Variants in P2RX7 observed in about 807,000 individuals in gnomAD.
The protein encoded by P2RX7 is purinergic receptor P2X 7.
P2RX7 carries 62 observed loss-of-function variants against 71.6 expected under a neutral mutation model. The ratio of observed to expected loss-of-function variants is 0.87; its 90% CI spans 0.71 to 1.07. The LOEUF (loss-of-function observed/expected upper bound fraction) is 1.07, where lower values mean the gene tolerates loss of function less well. Ranked by LOEUF, P2RX7 falls within the 50% of genes least tolerant of loss-of-function variation. P2RX7 has a pLI of 0.00. For missense variants in P2RX7, 686 were observed against 748.5 expected (o/e 0.92, Z 0.97); for synonymous variants, 299 against 283.3 (o/e 1.06, Z -0.56).
At chr12:121,144,685 A>T (rs1875754387) in intron 1 of P2RX7, among the ~76,000 whole-genome samples, 1 of 152,184 alleles carries the variant, frequency 6.6e-6, no homozygotes, top group South Asian at 2.1e-4. Context: ...GAGGGCATTT[A>T]GGAGACTATT....
chr12:121,158,444 T>C (rs186526560), intron 3 of P2RX7, among the ~76,000 whole-genome samples: 1 of 152,322 alleles, frequency 6.6e-6, no homozygotes. Context: ...TCTGTCCGCA[T>C]TGTCTCTCCA....
intron 11 of P2RX7, 85 bp downstream of exon 11, chr12:121,177,531 C>A: frequency 1.5e-6 from 2 of 1,307,752 alleles, no homozygotes; most frequent in Non-Finnish European, 2.2e-6. Flanking sequence ...AGGCCCAAAT[C>A]ACAGGCTTCA....
intron 1 of P2RX7, among the ~76,000 whole-genome samples, chr12:121,151,856 A>G (rs757084558): frequency 6.6e-6 from 1 of 152,122 alleles, no homozygotes; most frequent in Non-Finnish European, 1.5e-5. Flanking sequence ...TGGATATTTC[A>G]TATAAATGGA....
chr12:121,177,422 C>G lies in P2RX7; in HGVS notation c.1164C>G (p.Cys388Trp), dbSNP rs1344890173. The G allele has an allele frequency of 1.2e-6, 2 of 1,613,404 alleles. No individual in the cohort carries two copies. The highest frequency in any genetic ancestry group is 4.5e-5 in the East Asian group (2 of 44,856). The stretch of plus-strand genomic sequence containing the variant: ...ACGAATACTACTACAGGAAGAAGTG[C>G]GAGTCCATTGTGGAGCCAAAGCCGG... ...VVNEYYYRKKCESIVEPKPTL... is the reference protein window; with the variant it reads ...VVNEYYYRKKWESIVEPKPTL... The change falls in exon 11 of 13, where the codon TGC becomes TGG. Residue 388 changes from cysteine to tryptophan, a missense_variant. Coordinates refer to ENST00000328963, the MANE Select transcript of P2RX7 (RefSeq NM_002562.6).
At chr12:121,166,602 G>T (rs1055260420) in intron 7 of P2RX7, among the ~76,000 whole-genome samples, 4 of 152,156 alleles carry the variant, frequency 2.6e-5, no homozygotes, top group African/African-American at 9.7e-5. Context: ...AAAGCCAGCA[G>T]CATAACATCT....
At chr12:121,160,828 G>A in intron 3 of P2RX7, 74 bp from the exon 4 acceptor site, 1 of 1,201,272 alleles carries the variant, frequency 8.3e-7, no homozygotes, top group Non-Finnish European at 1.2e-6. Context: ...CATTCTGGTG[G>A]ATATCGAATC....
chr12:121,134,555 C>A (rs1259801274), intron 1 of P2RX7, among the ~76,000 whole-genome samples: 1 of 152,176 alleles, frequency 6.6e-6, no homozygotes, highest in Non-Finnish European at 1.5e-5. Context: ...CCACTCCTCA[C>A]TAATTTTTGT....
chr12:121,175,372 C>T lies in P2RX7; in HGVS notation c.882-16C>T, dbSNP rs764429048. 2.0e-6 allele frequency: 3 copies of T among 1,531,510 alleles called. No individual in the cohort carries two copies. In the South Asian group the frequency reaches 3.4e-5, roughly 17 times the overall value. The allele number at this position is 1,531,510 out of a possible 1,614,324, so 94.9% of individuals were successfully genotyped here. ...TCAAAGGGATCTTACAAATACAGAT[C>T]CTTTTCTTCCTACAGATACGCCAAG... On this transcript the variant is annotated splice_polypyrimidine_tract_variant and intron_variant, in intron 8 of 12. Transcript: ENST00000328963.
intron 4 of P2RX7, among the ~76,000 whole-genome samples, chr12:121,162,085 C>T (rs1879837373): frequency 6.6e-6 from 1 of 152,126 alleles, no homozygotes; most frequent in South Asian, 2.1e-4. Flanking sequence ...GGACTTGTGC[C>T]CCTTTGAGAG....
chr12:121,177,182 C>T lies in P2RX7; in HGVS notation c.1008C>T (p.Tyr336=), dbSNP rs756111580. The change falls in exon 10 of 13, where the codon TAC becomes TAT. Residue 336 remains tyrosine (Y), a synonymous_variant. Transcript: ENST00000328963. ...TTGACATTATCCAGCTGGTTGTGTA[C>T]ATCGGCTCAACCCTCTCCTACTTCG... ...GKFDIIQLVV[Y]IGSTLSYFGL... 4 of 1,614,064 alleles carry T rather than the reference C, an allele frequency of 2.5e-6. 1 individual carries two copies. In the African/African-American group the frequency reaches 5.3e-5, roughly 22 times the overall value.
chr12:121,184,499 G>T lies in P2RX7; in HGVS notation c.1485G>T (p.Glu495Asp). Residue 495 changes from glutamate to aspartate, a missense_variant, in exon 13 of 13, where the codon GAG becomes GAT. By Grantham distance (45) the Glu-to-Asp change is conservative. Coordinates refer to ENST00000328963, the MANE Select transcript of P2RX7 (RefSeq NM_002562.6). ...SQLPESHRCL[E>D]ELCCRKKPGA... Reference sequence around the variant, plus strand: ...TCCCTGAGAGCCACAGGTGCCTGGAGGAGCTGTGCTGCCGGAAAAAGCCGG... The same window carrying T: ...TCCCTGAGAGCCACAGGTGCCTGGATGAGCTGTGCTGCCGGAAAAAGCCGG... 6.2e-7 allele frequency: 1 copy of T among 1,614,200 alleles called. No homozygotes were observed.
Position 121,166,117 on chromosome 12 carries a change from A to T in P2RX7, c.674A>T (p.Gln225Leu). The change falls in exon 7 of 13, where the codon CAG becomes CTG. Residue 225 changes from glutamine to leucine, a missense_variant. Gln to Leu is a moderately radical substitution (Grantham distance 113). Transcript: ENST00000328963. ...ACCTTCCACAAGACTCAGAATCCAC[A>T]GTGTCCCATTTTCCGACTAGGAGAC... is the stretch of plus-strand genomic sequence containing the variant. ...TCTFHKTQNP[Q>L]CPIFRLGDIF... 3.1e-6 allele frequency: 5 copies of T among 1,613,966 alleles called. No homozygotes were observed. Among genetic ancestry groups the T allele is most frequent in the African/African-American group, 1.3e-5 (1 of 75,060 alleles).
intron 12 of P2RX7, among the ~76,000 whole-genome samples, chr12:121,183,489 T>A (rs1220346246): frequency 6.6e-6 from 1 of 150,712 alleles, no homozygotes; most frequent in African/African-American, 2.4e-5. Context: ...AAGAATCGCT[T>A]GAACCCAGGA....
At chr12:121,160,089 CCTT>C (rs1453701863) in intron 3 of P2RX7, among the ~76,000 whole-genome samples, 1 of 151,262 alleles carries the variant, frequency 6.6e-6, no homozygotes, top group Non-Finnish European at 1.5e-5. Context: ...ATATTTTCTT[CCTT>C]CTTTCTTTCT....
chr12:121,134,172 T>C (rs1282495747), intron 1 of P2RX7, among the ~76,000 whole-genome samples: 1 of 152,216 alleles, frequency 6.6e-6, no homozygotes. Flanking sequence ...TGTACAAGGT[T>C]TTATGTGGAT....
At chr12:121,133,280 G>A (rs1872811785) in intron 1 of P2RX7, among the ~76,000 whole-genome samples, 185 bp downstream of exon 1, 1 of 152,226 alleles carries the variant, frequency 6.6e-6, no homozygotes, top group Admixed American at 6.5e-5. Flanking sequence ...CCAGGCTGCA[G>A]CAGAGAGAAG....
At chr12:121,181,322 G>A (rs1440759365) in intron 12 of P2RX7, among the ~76,000 whole-genome samples, 1 of 152,140 alleles carries the variant, frequency 6.6e-6, no homozygotes, top group African/African-American at 2.4e-5. Context: ...GGACATTTGG[G>A]TAGTGTCCAG....
chr12:121,155,319 C>A, intron 2 of P2RX7: 1 of 1,306,318 alleles, frequency 7.7e-7, no homozygotes, highest in African/African-American at 1.5e-5. Context: ...AGCACCAGCC[C>A]TTCTAGATTG....
Position 121,177,415 on chromosome 12 carries a change from A to C in P2RX7, c.1157A>C (p.Lys386Thr), listed in dbSNP as rs746186293. 3 of 1,613,656 alleles carry C rather than the reference A, an allele frequency of 1.9e-6. No individual in the cohort carries two copies. The South Asian group carries it at 3.3e-5, about 18-fold the overall frequency. ...PCVVNEYYYR[K>T]KCESIVEPKP... ...GTGGTCAACGAATACTACTACAGGA[A>C]GAAGTGCGAGTCCATTGTGGAGCCA... is the stretch of plus-strand genomic sequence containing the variant. The change falls in exon 11 of 13, where the codon AAG becomes ACG. Residue 386 changes from lysine to threonine, a missense_variant. Physicochemically the swap from Lys to Thr is moderately conservative, Grantham distance 78. Coordinates refer to ENST00000328963, the MANE Select transcript of P2RX7 (RefSeq NM_002562.6).
Sources: allele counts gnomAD v4.1 joint callset (sites outside exome capture counted in the v4.1 genomes callset), GRCh38; gene constraint gnomAD v4.1.1; transcripts MANE v1.5; gene names NCBI Gene and HGNC (gene_info 2026-07-23, HGNC 2026-07-21).